ELOVL6: variants seen among roughly 807,000 people sequenced by gnomAD.
The protein encoded by ELOVL6 is ELOVL fatty acid elongase 6.
In ELOVL6, 8 loss-of-function variants were observed where a neutral mutation model predicts 31.7. The ratio of observed to expected loss-of-function variants is 0.25; its 90% CI spans 0.15 to 0.45. The LOEUF (loss-of-function observed/expected upper bound fraction) is 0.45, where lower values mean the gene tolerates loss of function less well. Among genes scored for constraint, ELOVL6 ranks in the 20% least tolerant of loss-of-function variants. The probability of loss-of-function intolerance (pLI) is 1.00; values close to 1 mark genes in which losing one functional copy is unlikely to be tolerated. For synonymous variants in ELOVL6, 101 were observed against 117.7 expected (o/e 0.86, Z 0.92); for missense variants, 126 against 326.4 (o/e 0.39, Z 4.73).
intron 1 of ELOVL6, among the ~76,000 whole-genome samples, chr4:110,155,534 A>C (rs1758390842): frequency 6.6e-6 from 1 of 152,244 alleles, no homozygotes; most frequent in Non-Finnish European, 1.5e-5. Flanking sequence ...CACAAATATC[A>C]GAATTTATCT....
At chr4:110,184,689 C>T (rs1334629363) in intron 1 of ELOVL6, among the ~76,000 whole-genome samples, 1 of 152,140 alleles carries the variant, frequency 6.6e-6, no homozygotes, top group Non-Finnish European at 1.5e-5. Flanking sequence ...AGGGAACTGA[C>T]AGCCAACTCA....
intron 2 of ELOVL6, among the ~76,000 whole-genome samples, chr4:110,084,011 G>GAT (rs1560813501): frequency 6.2e-5 from 4 of 64,696 alleles, no homozygotes; most frequent in Admixed American, 1.6e-4. Context: ...TGCCATATAT[G>GAT]GTATATAACA....
intron 1 of ELOVL6, chr4:110,117,904 ATATAT>A (rs1379631815): frequency 0.024 from 175 of 7,394 alleles, 15 homozygotes; most frequent in African/African-American, 0.062. Context: ...AAAAAAAAAA[ATATAT>A]ATATATATAT....
At chr4:110,159,242 G>A (rs977489646) in intron 1 of ELOVL6, among the ~76,000 whole-genome samples, 3 of 152,078 alleles carry the variant, frequency 2.0e-5, no homozygotes, top group African/African-American at 7.2e-5. Flanking sequence ...TGCCTTCCAT[G>A]TGCCCAGATA....
chr4:110,131,826 T>C (rs755825071), intron 1 of ELOVL6, among the ~76,000 whole-genome samples: 2 of 152,042 alleles, frequency 1.3e-5, no homozygotes, highest in African/African-American at 2.4e-5. Flanking sequence ...TCTAGTGAGA[T>C]AGACAAGTAA....
chr4:110,198,083 C>G lies in ELOVL6; in HGVS notation c.89+164G>C, dbSNP rs1050957052. The G allele has an allele frequency of 4.0e-5, 23 of 581,668 alleles. 2 individuals are homozygous for G. The highest frequency in any genetic ancestry group is 2.3e-4 in the African/African-American group (12 of 51,876). 36.0% of individuals were successfully genotyped at this position (581,668 alleles called of 1,614,324 possible). ...ACCTCGCGCTTCATGTACCCCCCCCCCCCCAGCGTCTCCTGCACCCGGGAG... is the reference window on the plus strand; with the variant it reads ...ACCTCGCGCTTCATGTACCCCCCCCGCCCCAGCGTCTCCTGCACCCGGGAG... On this transcript the variant is annotated intron_variant, in intron 1 of 3. Coordinates refer to ENST00000302274, the MANE Select transcript of ELOVL6 (RefSeq NM_024090.3).
intron 2 of ELOVL6, among the ~76,000 whole-genome samples, chr4:110,073,698 G>A (rs574753769): frequency 7.2e-5 from 11 of 152,154 alleles, no homozygotes; most frequent in East Asian, 1.9e-4. Context: ...TCCTTCCACC[G>A]CTGCCCCTGA....
At chr4:110,177,105 C>A (rs1032426510) in intron 1 of ELOVL6, among the ~76,000 whole-genome samples, 2 of 152,160 alleles carry the variant, frequency 1.3e-5, no homozygotes, top group Non-Finnish European at 2.9e-5. Flanking sequence ...AAGAGTGAAA[C>A]ACATCACCAG....
intron 1 of ELOVL6, among the ~76,000 whole-genome samples, chr4:110,156,329 A>AG (rs1181033955): frequency 1.3e-5 from 2 of 152,150 alleles, no homozygotes; most frequent in Non-Finnish European, 2.9e-5. Context: ...ATGAAAGGTA[A>AG]GGGCTTTTCC....
intron 1 of ELOVL6, among the ~76,000 whole-genome samples, chr4:110,180,155 G>A (rs1416692400): frequency 5.3e-5 from 8 of 152,102 alleles, no homozygotes; most frequent in Admixed American, 2.6e-4. Flanking sequence ...TTTCTATTGT[G>A]AGTGTGCTTA....
At chr4:110,122,493 C>T (rs1380689934) in intron 1 of ELOVL6, among the ~76,000 whole-genome samples, 3 of 152,172 alleles carry the variant, frequency 2.0e-5, no homozygotes, top group Non-Finnish European at 4.4e-5. Flanking sequence ...GGTCTCAAGC[C>T]TTCCTCCCAA....
At chr4:110,072,935 G>A (rs567705527) in intron 2 of ELOVL6, among the ~76,000 whole-genome samples, 9 of 152,160 alleles carry the variant, frequency 5.9e-5, no homozygotes, top group Admixed American at 5.2e-4. Context: ...ATTTAATCAC[G>A]AAATGATTTT....
intron 1 of ELOVL6, among the ~76,000 whole-genome samples, chr4:110,173,976 A>T (rs541810492): frequency 6.6e-6 from 1 of 152,054 alleles, no homozygotes; most frequent in South Asian, 2.1e-4. Context: ...TGTACCCTCA[A>T]GCCTAAAATA....
chr4:110,117,903 A>AAAAAATT, intron 1 of ELOVL6: 4 of 6,494 alleles, frequency 6.2e-4, no homozygotes, highest in African/African-American at 1.3e-3. Flanking sequence ...AAAAAAAAAA[A>AAAAAATT]ATATATATAT....
chr4:110,137,966 C>A (rs1231400641), intron 1 of ELOVL6, among the ~76,000 whole-genome samples: 1 of 152,132 alleles, frequency 6.6e-6, no homozygotes, highest in African/African-American at 2.4e-5. Flanking sequence ...CAAAAAAGGA[C>A]TTGCTTATAA....
At chr4:110,115,459 T>C (rs993116346) in intron 1 of ELOVL6, among the ~76,000 whole-genome samples, 8 of 152,076 alleles carry the variant, frequency 5.3e-5, no homozygotes, top group African/African-American at 1.9e-4. Flanking sequence ...AATAATAATA[T>C]AGGGCCAAGC....
At chr4:110,073,210 C>T (rs930306987) in intron 2 of ELOVL6, among the ~76,000 whole-genome samples, 11 of 152,198 alleles carry the variant, frequency 7.2e-5, no homozygotes, top group African/African-American at 2.7e-4. Flanking sequence ...CACGTGCCGC[C>T]AAGCTCATAG....
intron 2 of ELOVL6, among the ~76,000 whole-genome samples, chr4:110,090,549 T>C (rs2126239195): frequency 6.6e-6 from 1 of 150,422 alleles, no homozygotes; most frequent in South Asian, 2.1e-4. Context: ...TCCTCCTCAT[T>C]AGGGCCACAA....
intron 2 of ELOVL6, among the ~76,000 whole-genome samples, chr4:110,064,768 GTGAGCTACTGCACC>G (rs1755249596): frequency 6.6e-6 from 1 of 152,084 alleles, no homozygotes; most frequent in Non-Finnish European, 1.5e-5. Flanking sequence ...GATTATAGAC[GTGAGCTACTGCACC>G]TGGCCTCGAT....
Sources: gnomAD v4.1 joint callset for allele counts (sites outside exome capture counted in the v4.1 genomes callset) on GRCh38, gnomAD v4.1.1 for gene constraint, MANE v1.5 for transcripts, NCBI Gene and HGNC (gene_info 2026-07-23, HGNC 2026-07-21) for gene names.